PSMD14: variants seen among roughly 807,000 people sequenced by gnomAD.
The protein encoded by PSMD14 is proteasome 26S subunit, non-ATPase 14, also known as ubiquitin C-terminal hydrolase PSMD14.
Under a neutral mutation model 41.2 loss-of-function variants are expected in PSMD14, and 7 were observed. The observed-to-expected ratio is 0.17, with a 90% CI of 0.10 to 0.32. The LOEUF (loss-of-function observed/expected upper bound fraction) is 0.32, where lower values mean the gene tolerates loss of function less well. Among genes scored for constraint, PSMD14 ranks in the 10% least tolerant of loss-of-function variants. The pLI is 1.00. For missense variants in PSMD14, 139 were observed against 375.6 expected (o/e 0.37, Z 5.21); for synonymous variants, 114 against 122.3 (o/e 0.93, Z 0.45).
At chr2:161,331,468 C>T (rs1265255662) in intron 3 of PSMD14, among the ~76,000 whole-genome samples, 4 of 152,204 alleles carry the variant, frequency 2.6e-5, no homozygotes, top group Admixed American at 2.6e-4. Flanking sequence ...CCATGCTGAC[C>T]AGGCTGGTCT....
intron 3 of PSMD14, among the ~76,000 whole-genome samples, chr2:161,341,870 AT>A (rs201734509): frequency 0.16 from 22,144 of 139,150 alleles, 2,028 homozygotes; most frequent in East Asian, 0.3. Flanking sequence ...ATTAAAAAAA[AT>A]ATATATGTAT....
At chr2:161,354,458 T>C (rs747635676) in intron 3 of PSMD14, among the ~76,000 whole-genome samples, 7 of 151,650 alleles carry the variant, frequency 4.6e-5, no homozygotes, top group Non-Finnish European at 1.0e-4. Context: ...TTGCCCAGGC[T>C]GCTGAATGAT....
chr2:161,373,942 T>C (rs1683472062), intron 7 of PSMD14, among the ~76,000 whole-genome samples: 1 of 151,884 alleles, frequency 6.6e-6, no homozygotes. Flanking sequence ...TTCTTTGTTA[T>C]AATCCTAAAG....
intron 7 of PSMD14, among the ~76,000 whole-genome samples, chr2:161,376,139 A>G (rs1683500113): frequency 1.3e-5 from 2 of 150,032 alleles, no homozygotes. Context: ...TCATATAGAG[A>G]GAGAGGGCAT....
chr2:161,386,800 C>T (rs1357342393), intron 8 of PSMD14, among the ~76,000 whole-genome samples: 1 of 151,932 alleles, frequency 6.6e-6, no homozygotes, highest in Non-Finnish European at 1.5e-5. Context: ...GTGATTACTA[C>T]ATGGTATGTT....
At chr2:161,370,049 G>A (rs1683411832) in intron 5 of PSMD14, 58 bp from the exon 6 acceptor site, 3 of 1,324,400 alleles carry the variant, frequency 2.3e-6, no homozygotes, top group East Asian at 2.5e-5. Flanking sequence ...AATATACATA[G>A]GGAAGCTTTT....
At chr2:161,362,386 T>A (rs1017881335) in intron 3 of PSMD14, among the ~76,000 whole-genome samples, 10 of 152,372 alleles carry the variant, frequency 6.6e-5, no homozygotes, top group African/African-American at 2.4e-4. Context: ...CGGATCCTGA[T>A]TATTTACATT....
At chr2:161,366,634 T>A (rs1386282594) in intron 3 of PSMD14, among the ~76,000 whole-genome samples, 2 of 152,154 alleles carry the variant, frequency 1.3e-5, no homozygotes, top group African/African-American at 4.8e-5. Context: ...TCATTATAAT[T>A]TCCCAGATTG....
intron 3 of PSMD14, among the ~76,000 whole-genome samples, chr2:161,328,062 G>A (rs963773930): frequency 2.7e-5 from 4 of 150,490 alleles, no homozygotes; most frequent in Non-Finnish European, 5.9e-5. Flanking sequence ...ATGTTAAATG[G>A]ACACACCATA....
chr2:161,391,169 G>T lies in PSMD14; in HGVS notation c.636G>T (p.Leu212=). The change falls in exon 9 of 12, where the codon CTG becomes CTT. Residue 212 remains leucine (L), a synonymous_variant. Transcript: ENST00000409682. ...CTATTAACTATCGGAAAAATGAACT[G>T]GAACAGAAGGTAAGTTTAAATTTTT... ...SITINYRKNE[L]EQKMLLNLHK... 1 of 1,519,662 alleles carries T rather than the reference G, an allele frequency of 6.6e-7. No individual in the cohort carries two copies. The highest frequency in any genetic ancestry group is 1.3e-5 in the South Asian group (1 of 77,422). 94.1% of individuals were successfully genotyped at this position (1,519,662 alleles called of 1,614,324 possible). A position where few individuals can be genotyped will look rare whatever the true frequency, so the allele number is the denominator to read the frequency against.
intron 10 of PSMD14, among the ~76,000 whole-genome samples, chr2:161,397,577 T>C (rs187554630): frequency 3.0e-4 from 45 of 152,322 alleles, no homozygotes; most frequent in Middle Eastern, 3.4e-3. Flanking sequence ...ATAGTTAAGA[T>C]TGTTGTTGGT....
intron 3 of PSMD14, among the ~76,000 whole-genome samples, chr2:161,340,633 C>G (rs949528356): frequency 2.0e-5 from 3 of 151,894 alleles, no homozygotes; most frequent in Non-Finnish European, 2.9e-5. Context: ...CAAAGGTGTT[C>G]TCAGGATCCT....
chr2:161,345,236 C>CTTTTTTTTTTTTTT (rs869245727), intron 3 of PSMD14, among the ~76,000 whole-genome samples: 2 of 57,034 alleles, frequency 3.5e-5, no homozygotes, highest in South Asian at 9.7e-4. Flanking sequence ...ATCTCTGTGT[C>CTTTTTTTTTTTTTT]TTTTTTTTTT....
intron 3 of PSMD14, among the ~76,000 whole-genome samples, chr2:161,347,463 A>G (rs1185960870): frequency 6.6e-6 from 1 of 152,146 alleles, no homozygotes; most frequent in Admixed American, 6.5e-5. Context: ...AATGGGAAAA[A>G]TTTGTGTTGG....
At chr2:161,342,222 T>A (rs1395054194) in intron 3 of PSMD14, among the ~76,000 whole-genome samples, 1 of 152,202 alleles carries the variant, frequency 6.6e-6, no homozygotes, top group South Asian at 2.1e-4. Flanking sequence ...GTCCTGATCG[T>A]AGGGGGAAAC....
At chr2:161,362,824 A>G (rs888993025) in intron 3 of PSMD14, among the ~76,000 whole-genome samples, 1 of 152,232 alleles carries the variant, frequency 6.6e-6, no homozygotes, top group African/African-American at 2.4e-5. Context: ...CTCAAGATAC[A>G]GTTTTTTATT....
intron 3 of PSMD14, among the ~76,000 whole-genome samples, chr2:161,344,493 A>G (rs1435966042): frequency 6.6e-6 from 1 of 152,228 alleles, no homozygotes; most frequent in African/African-American, 2.4e-5. Flanking sequence ...ATGAATAGGA[A>G]GGAGGGGGCA....
At chr2:161,395,003 A>C (rs1273142229) in intron 9 of PSMD14, 75 bp from the exon 10 acceptor site, 2 of 1,117,882 alleles carry the variant, frequency 1.8e-6, no homozygotes, top group Non-Finnish European at 2.4e-6. Flanking sequence ...TTTTTTTTTG[A>C]AGTTTTTTTT....
intron 8 of PSMD14, among the ~76,000 whole-genome samples, chr2:161,387,133 C>T (rs1271034450): frequency 6.6e-6 from 1 of 151,878 alleles, no homozygotes; most frequent in African/African-American, 2.4e-5. Flanking sequence ...GTTTATATAG[C>T]GCCTACCAGA....
Sources: gnomAD v4.1 joint callset for allele counts (sites outside exome capture counted in the v4.1 genomes callset) on GRCh38, gnomAD v4.1.1 for gene constraint, MANE v1.5 for transcripts, NCBI Gene and HGNC (gene_info 2026-07-23, HGNC 2026-07-21) for gene names.